The following HUWE1 variants were observed in gnomAD, a reference collection of about 807,000 sequenced individuals.
HUWE1 encodes E3 ubiquitin-protein ligase HUWE1.
Under a neutral mutation model 299.4 loss-of-function variants are expected in HUWE1, and 18 were observed. The ratio of observed to expected loss-of-function variants is 0.06; its 90% CI spans 0.04 to 0.09. The LOEUF is 0.09. Ranked by LOEUF, HUWE1 falls within the 10% of genes least tolerant of loss-of-function variation. HUWE1 has a pLI of 1.00. For missense variants in HUWE1, 1,832 were observed against 3,462.3 expected, an observed-to-expected ratio of 0.53 and a Z score of 11.82; for synonymous variants, 1,317 against 1,286.1, an observed-to-expected ratio of 1.02 and a Z score of -0.51.
intron 49 of HUWE1, 109 bp from the exon 50 acceptor site, chrX:53,565,348 A>G (rs2062473023): frequency 1.4e-6 from 1 of 738,651 alleles, no homozygotes; most frequent in East Asian, 3.5e-5. Flanking sequence ...GAAAAGGGGC[A>G]TAAGGTCGTA....
intron 31 of HUWE1, among the ~76,000 whole-genome samples, chrX:53,594,122 C>CAA (rs1326209657): frequency 9.1e-6 from 1 of 110,392 alleles, no homozygotes; most frequent in African/African-American, 3.3e-5. Flanking sequence ...CAAAACAAAA[C>CAA]AAAAAAAACA....
rs201226547 is a variant in HUWE1 at position 53,585,071 on chromosome X, T to A, written c.4942A>T (p.Ser1648Cys). The stretch of plus-strand genomic sequence containing the variant: ...CTTCGGCCTGCAGTGAATCGCACGC[T>A]TGTCTCTCCAGATTTCCAGGCAGAA... ...IDSAWKSGET[S>C]VRFTAGRRRY... The change falls in exon 40 of 84, where the codon AGC (serine) becomes TGC (cysteine). Residue 1648 changes from serine to cysteine, a missense_variant. This residue lies in a region of HUWE1 where 658 missense variants were observed against 1,282.6 expected (regional missense o/e 0.51). Coordinates refer to ENST00000262854, the MANE Select transcript of HUWE1 (RefSeq NM_031407.7). 4 of 1,211,999 alleles carry A rather than the reference T, an allele frequency of 3.3e-6. No homozygotes were observed. The highest frequency in any genetic ancestry group is 4.5e-6 in the Non-Finnish European group (4 of 895,573).
Position 53,537,539 on chromosome X carries a change from C to T in HUWE1, c.12137+17G>A, listed in dbSNP as rs782663067. 6.0e-5 allele frequency: 73 copies of T among 1,207,351 alleles called. No individual in the cohort carries two copies. The South Asian group carries it at 1.1e-3, about 18-fold the overall frequency. ...CACCTCCCACCCGCCATCTTTTCTC[C>T]GTTCCTGGGCCCTTACAATCGATTC... On this transcript the variant is annotated intron_variant, in intron 78 of 83. Transcript: ENST00000262854.
intron 43 of HUWE1, among the ~76,000 whole-genome samples, chrX:53,580,497 CACGAGACATACAT>C (rs2063564402): frequency 8.9e-6 from 1 of 112,135 alleles, no homozygotes; most frequent in African/African-American, 3.2e-5. Flanking sequence ...CACTGTGTTA[CACGAGACATACAT>C]CCATTTAACC....
chrX:53,588,066 A>C (rs1192051582), intron 37 of HUWE1, among the ~76,000 whole-genome samples: 2 of 111,570 alleles, frequency 1.8e-5, no homozygotes, highest in Non-Finnish European at 3.8e-5. Flanking sequence ...TAGTAATTTA[A>C]ATACTTTTTT....
At chrX:53,625,879 G>GGCCGGGGCCGGT (rs2066467399) in intron 17 of HUWE1, 3 of 316,968 alleles carry the variant, frequency 9.5e-6, no homozygotes, top group African/African-American at 5.6e-5. Context: ...CCGGGGCCGG[G>GGCCGGGGCCGGT]GCCAGGGCCG....
At chrX:53,655,635 T>C (rs1273352379) in intron 3 of HUWE1, among the ~76,000 whole-genome samples, 1 of 111,928 alleles carries the variant, frequency 8.9e-6, no homozygotes, top group African/African-American at 3.3e-5. Flanking sequence ...AACTATAAGC[T>C]GAGCTATTTG....
intron 3 of HUWE1, among the ~76,000 whole-genome samples, chrX:53,672,661 A>AACACAC (rs2069615647): frequency 9.0e-6 from 1 of 111,673 alleles, no homozygotes; most frequent in Non-Finnish European, 1.9e-5. Flanking sequence ...TGTACATATA[A>AACACAC]ATCTAATATG....
At chrX:53,628,939 T>TATTA (rs1372351658) in intron 13 of HUWE1, 37 bp from the exon 14 acceptor site, 2 of 1,121,696 alleles carry the variant, frequency 1.8e-6, no homozygotes, top group Non-Finnish European at 2.4e-6. Flanking sequence ...ATGTGTCAAA[T>TATTA]ATAATAAGAT....
intron 70 of HUWE1, 145 bp from the exon 71 acceptor site, chrX:53,545,306 C>G (rs1193079924): frequency 3.4e-6 from 2 of 588,422 alleles, no homozygotes; most frequent in Non-Finnish European, 5.5e-6. Flanking sequence ...GTGCTCTGTT[C>G]AGCTTATTAT....
chrX:53,644,672 T>C (rs184821685), intron 7 of HUWE1, among the ~76,000 whole-genome samples: 54 of 112,259 alleles, frequency 4.8e-4, no homozygotes, highest in African/African-American at 1.7e-3. Context: ...AAAACTTGAG[T>C]TACTTTGAGG....
At chrX:53,605,661 G>T (rs895966982) in intron 25 of HUWE1, among the ~76,000 whole-genome samples, 12 of 111,755 alleles carry the variant, frequency 1.1e-4, no homozygotes, top group Non-Finnish European at 1.1e-4. Flanking sequence ...TTTTGGTTTT[G>T]CAGAAATAGA....
chrX:53,634,525 A>G (rs1557025183), intron 7 of HUWE1, among the ~76,000 whole-genome samples: 1 of 112,494 alleles, frequency 8.9e-6, no homozygotes, highest in African/African-American at 3.2e-5. Flanking sequence ...GAACTTAAGA[A>G]TCAAGGCAAG....
intron 73 of HUWE1, 81 bp downstream of exon 73, chrX:53,543,760 G>A (rs782815094): frequency 4.2e-6 from 5 of 1,191,371 alleles, no homozygotes; most frequent in Admixed American, 2.2e-5. Flanking sequence ...ACAAGGTAAA[G>A]GCAATGAAAC....
Position 53,583,609 on chromosome X carries a change from G to C in HUWE1, c.5469C>G (p.Leu1823=). 1 of 1,211,003 alleles carries C rather than the reference G, an allele frequency of 8.3e-7. No homozygotes were observed. Among genetic ancestry groups the C allele is most frequent in the East Asian group, 3.0e-5 (1 of 33,848 alleles). Residue 1823 remains leucine, a synonymous_variant, in exon 42 of 84, where the codon CTC becomes CTG. Transcript: ENST00000262854. The part of the protein sequence containing the change: ...FNGFTPLVTL[L]LRHIIEDPCT... ...AGGGGTCCTCAATGATGTGTCTTAA[G>C]AGAAGGGTGACCAGGGGAGTAAACC...
In HUWE1 at chrX:53,680,072, C is replaced by T; in HGVS notation, c.-48G>A. On this transcript the variant is annotated 5_prime_UTR_variant, in exon 3 of 84. It removes an upstream start codon present in the reference 5' UTR. Coordinates refer to ENST00000262854, the MANE Select transcript of HUWE1 (RefSeq NM_031407.7). ...ACCTAAAATCACAGCCAATCATACT[C>T]ATCCTGGTGGGAAATTCCCCACACT... 3.4e-6 allele frequency: 1 copy of T among 297,412 alleles called. No individual in the cohort carries two copies. Among genetic ancestry groups the T allele is most frequent in the Admixed American group, 6.1e-5 (1 of 16,483 alleles). 24.5% of individuals were successfully genotyped at this position (297,412 alleles called of 1,213,427 possible).
chrX:53,557,396 T>G lies in HUWE1; in HGVS notation c.8192A>C (p.Glu2731Ala), dbSNP rs989308414. 8.3e-7 allele frequency: 1 copy of G among 1,209,014 alleles called. No homozygotes were observed. Among genetic ancestry groups the G allele is most frequent in the Admixed American group, 2.2e-5 (1 of 46,056 alleles). Residue 2731 changes from glutamate to alanine, a missense_variant, in exon 60 of 84, where the codon GAA becomes GCA. Glu to Ala is a moderately radical substitution (Grantham distance 107). Coordinates refer to ENST00000262854, the MANE Select transcript of HUWE1 (RefSeq NM_031407.7). Reference sequence around the variant, plus strand: ...AGGAGAGTTACCTGAGAGATTCTGTTCAGTGGAGTCATTTGACTTAGATGC... The same window carrying G: ...AGGAGAGTTACCTGAGAGATTCTGTGCAGTGGAGTCATTTGACTTAGATGC... Reference protein sequence around the residue: ...CTASKSNDSTEQNLSDGTPMP... With the variant: ...CTASKSNDSTAQNLSDGTPMP...
rs1556995326 is a variant in HUWE1 at position 53,604,809 on chromosome X, A to G, written c.2522T>C (p.Leu841Pro). 1 of 1,209,474 alleles carries G rather than the reference A, an allele frequency of 8.3e-7. No homozygotes were observed. Among genetic ancestry groups the G allele is most frequent in the South Asian group, 1.8e-5 (1 of 56,931 alleles). Residue 841 changes from leucine to proline, a missense_variant, in exon 26 of 84, where the codon CTT becomes CCT. This residue lies in a region of HUWE1 where 658 missense variants were observed against 1,282.6 expected (regional missense o/e 0.51). Coordinates refer to ENST00000262854, the MANE Select transcript of HUWE1 (RefSeq NM_031407.7). ...GTCCAACTGAAGGAGACCCTCTTGA[A>G]GGACTTTGGGTTCATGTGACAGTGT... ...ILTLSHEPKVLQEGLLQLDSI... is the reference protein window; with the variant it reads ...ILTLSHEPKVPQEGLLQLDSI...
chrX:53,589,429 A>C, intron 36 of HUWE1, 118 bp downstream of exon 36: 2 of 676,366 alleles, frequency 3.0e-6, no homozygotes, highest in Non-Finnish European at 4.8e-6. Flanking sequence ...GAATCCAAAT[A>C]GAGAATATAC....
Sources: gnomAD v4.1 joint callset for allele counts (sites outside exome capture counted in the v4.1 genomes callset) on GRCh38, gnomAD v4.1.1 for gene constraint, gnomAD v4.1.1 regional missense constraint, MANE v1.5 for transcripts, NCBI Gene and HGNC (gene_info 2026-07-23, HGNC 2026-07-21) for gene names.